ANKRD17: variants seen among roughly 807,000 people sequenced by gnomAD.
ANKRD17 encodes ankyrin repeat domain-containing protein 17.
A neutral mutation model predicts 229.7 loss-of-function variants in ANKRD17; 19 were observed. The observed-to-expected ratio is 0.08, with a 90% confidence interval of 0.06 to 0.12. ANKRD17 has a LOEUF of 0.12. ANKRD17 is among the 10% of genes least tolerant of loss of function. The pLI is 1.00. For missense variants in ANKRD17, 2,176 were observed against 3,176.8 expected (o/e 0.68, Z 7.57); for synonymous variants, 1,112 against 1,146.1 (o/e 0.97, Z 0.60).
chr4:73,179,521 T>A lies in ANKRD17; in HGVS notation c.394-1988A>T, dbSNP rs868805253. ...ATATATATATATATATATATATATT[T>A]TTTTTTTTTTTTTTAAAGAGACATG... On this transcript the variant is annotated intron_variant, in intron 1 of 33. Coordinates refer to ENST00000358602, the MANE Select transcript of ANKRD17 (RefSeq NM_032217.5). Among the ~76,000 whole-genome samples, 326 of 100,234 alleles carry A rather than the reference T, an allele frequency of 3.3e-3. 3 individuals carry two copies. The highest frequency in any genetic ancestry group is 7.0e-3 in the African/African-American group (208 of 29,766). 65.8% of individuals were successfully genotyped at this position (100,234 alleles called of 152,430 possible). A position where few individuals can be genotyped will look rare whatever the true frequency, so the allele number is the denominator to read the frequency against.
At chr4:73,145,127 A>C (rs1730090026) in intron 10 of ANKRD17, among the ~76,000 whole-genome samples, 1 of 152,138 alleles carries the variant, frequency 6.6e-6, no homozygotes, top group Non-Finnish European at 1.5e-5. Flanking sequence ...GCATCTGAGT[A>C]ATTTGTCCTT....
intron 1 of ANKRD17, among the ~76,000 whole-genome samples, chr4:73,194,743 G>C (rs1170122126): frequency 6.6e-6 from 1 of 151,972 alleles, no homozygotes; most frequent in East Asian, 1.9e-4. Context: ...TATTGCTTGG[G>C]ACTTTAACCT....
chr4:73,175,799 A>G (rs115489265), intron 2 of ANKRD17, among the ~76,000 whole-genome samples: 190 of 152,334 alleles, frequency 1.2e-3, no homozygotes, highest in Non-Finnish European at 2.2e-3. Flanking sequence ...ATATACAAAA[A>G]TAGAATCAAA....
intron 1 of ANKRD17, among the ~76,000 whole-genome samples, chr4:73,185,776 T>C (rs1292133554): frequency 1.3e-5 from 2 of 152,092 alleles, no homozygotes; most frequent in Non-Finnish European, 1.5e-5. Context: ...TATTCACTGA[T>C]ATTCAAAGCA....
At chr4:73,103,348 G>A (rs2148614997) in intron 24 of ANKRD17, among the ~76,000 whole-genome samples, 1 of 152,200 alleles carries the variant, frequency 6.6e-6, no homozygotes, top group East Asian at 1.9e-4. Flanking sequence ...CCTCTGGAGG[G>A]TGGAACAGGA....
chr4:73,177,879 C>T (rs1560661592), intron 1 of ANKRD17, among the ~76,000 whole-genome samples: 2 of 152,054 alleles, frequency 1.3e-5, no homozygotes, highest in Admixed American at 6.6e-5. Context: ...CTAACTAAAT[C>T]AGCAGTTTTT....
chr4:73,115,999 A>C, intron 22 of ANKRD17, 83 bp from the exon 23 acceptor site: 2 of 1,123,692 alleles, frequency 1.8e-6, no homozygotes, highest in Non-Finnish European at 2.7e-6. Flanking sequence ...TTAACAGTTA[A>C]GATTAGGGCC....
chr4:73,085,921 G>A (rs997948477), intron 29 of ANKRD17, among the ~76,000 whole-genome samples: 2 of 152,008 alleles, frequency 1.3e-5, no homozygotes, highest in African/African-American at 4.8e-5. Flanking sequence ...AGCCCAGGAG[G>A]TTAAGGCTGC....
chr4:73,146,324 A>G (rs1408151178), intron 10 of ANKRD17, among the ~76,000 whole-genome samples: 1 of 152,142 alleles, frequency 6.6e-6, no homozygotes, highest in Non-Finnish European at 1.5e-5. Context: ...GAAATTATAA[A>G]GTACTTGAGG....
At chr4:73,135,293 A>T (rs768345144) in intron 15 of ANKRD17, 28 bp from the exon 16 acceptor site, 1 of 1,596,340 alleles carries the variant, frequency 6.3e-7, no homozygotes, top group South Asian at 1.1e-5. Flanking sequence ...TGCACTTAAT[A>T]AGGATGAAAC....
chr4:73,077,208 G>A, intron 32 of ANKRD17, 104 bp from the exon 33 acceptor site: 1 of 1,343,516 alleles, frequency 7.4e-7, no homozygotes, highest in Non-Finnish European at 9.9e-7. Context: ...CCTCATCCTG[G>A]GAATGTGTAA....
At chr4:73,239,100 G>T (rs1046759382) in intron 1 of ANKRD17, among the ~76,000 whole-genome samples, 1 of 152,146 alleles carries the variant, frequency 6.6e-6, no homozygotes, top group African/African-American at 2.4e-5. Flanking sequence ...GGTGATATAT[G>T]ATCTGGCCCT....
At chr4:73,241,481 C>T (rs1164688065) in intron 1 of ANKRD17, among the ~76,000 whole-genome samples, 3 of 151,972 alleles carry the variant, frequency 2.0e-5, no homozygotes, top group African/African-American at 7.2e-5. Flanking sequence ...AGTATATTAA[C>T]TAACTAGTAA....
chr4:73,218,720 T>C (rs1741445379), intron 1 of ANKRD17, among the ~76,000 whole-genome samples: 1 of 151,906 alleles, frequency 6.6e-6, no homozygotes, highest in Non-Finnish European at 1.5e-5. Context: ...CTTCCACCTC[T>C]GTGAGACAAA....
chr4:73,187,439 T>C (rs971360919), intron 1 of ANKRD17, among the ~76,000 whole-genome samples: 3 of 152,186 alleles, frequency 2.0e-5, no homozygotes, highest in Admixed American at 6.5e-5. Context: ...ATGGGGTCTG[T>C]TGGCAGGGAA....
rs1157719883 is a variant in ANKRD17 at position 73,226,389 on chromosome 4, G to GTTTTTTTTTTTTTT, written c.393+31873_393+31886dup. Reference sequence around the variant, plus strand: ...TAATAGTAATAATTTCTTTTCTTCTGTTTTTTTTTTTTTTTTTTTTTTTGA... The same window carrying GTTTTTTTTTTTTTT: ...TAATAGTAATAATTTCTTTTCTTCTGTTTTTTTTTTTTTTTTTTTTTTTTTTTTTTTTTTTTTGA... On this transcript the variant is annotated intron_variant, in intron 1 of 33. Coordinates refer to ENST00000358602, the MANE Select transcript of ANKRD17 (RefSeq NM_032217.5). 5.7e-5 allele frequency among the ~76,000 whole-genome samples: 5 copies of GTTTTTTTTTTTTTT among 87,612 alleles called. 1 individual carries two copies. Among genetic ancestry groups the GTTTTTTTTTTTTTT allele is most frequent in the Non-Finnish European group, 6.3e-5 (3 of 47,638 alleles). 57.5% of individuals were successfully genotyped at this position (87,612 alleles called of 152,430 possible).
At chr4:73,094,622 G>T (rs547980074) in intron 27 of ANKRD17, among the ~76,000 whole-genome samples, 2 of 151,564 alleles carry the variant, frequency 1.3e-5, no homozygotes, top group South Asian at 4.2e-4. Context: ...CATGAGTGTT[G>T]CAATAGTATG....
intron 1 of ANKRD17, among the ~76,000 whole-genome samples, chr4:73,205,962 G>A (rs1039700029): frequency 1.3e-5 from 2 of 152,056 alleles, no homozygotes; most frequent in Admixed American, 6.5e-5. Context: ...ACATACACAT[G>A]GCCAATGGAT....
intron 24 of ANKRD17, among the ~76,000 whole-genome samples, chr4:73,107,696 G>A (rs1173967266): frequency 1.3e-5 from 2 of 152,178 alleles, no homozygotes; most frequent in East Asian, 1.9e-4. Context: ...GTTAGAACTG[G>A]ACCCAGTATA....
Sources: gnomAD v4.1 joint callset for allele counts (sites outside exome capture counted in the v4.1 genomes callset) on GRCh38, gnomAD v4.1.1 for gene constraint, MANE v1.5 for transcripts, NCBI Gene and HGNC (gene_info 2026-07-23, HGNC 2026-07-21) for gene names.